LENG8: variants seen among roughly 807,000 people sequenced by gnomAD.
The protein encoded by LENG8 is leukocyte receptor cluster member 8, also known as leukocyte receptor cluster (LRC) member 8.
LENG8 carries 28 observed loss-of-function variants against 102.1 expected under a neutral mutation model. That is an observed-to-expected ratio of 0.27 (90% CI 0.20 to 0.38). LENG8 has a LOEUF of 0.38. Among genes scored for constraint, LENG8 ranks in the 10% least tolerant of loss-of-function variants. LENG8 has a pLI of 1.00. For missense variants in LENG8, 1,022 were observed against 1,113.9 expected, an observed-to-expected ratio of 0.92 and a Z score of 1.17; for synonymous variants, 531 against 456.7, an observed-to-expected ratio of 1.16 and a Z score of -2.07.
chr19:54,455,477 G>T lies in LENG8; in HGVS notation c.935G>T (p.Arg312Leu), dbSNP rs761349854. The T allele has an allele frequency of 6.2e-7, 1 of 1,614,156 alleles. No individual in the cohort carries two copies. The highest frequency in any genetic ancestry group is 8.5e-7 in the Non-Finnish European group (1 of 1,180,044). Residue 312 changes from arginine (R) to leucine (L), a missense_variant, in exon 8 of 16, where the codon CGC becomes CTC. This residue lies in a region of LENG8 where 24 missense variants were observed against 47.9 expected (regional missense o/e 0.50). Coordinates refer to ENST00000326764, the MANE Select transcript of LENG8 (RefSeq NM_052925.4). ...TACESEEDKDRTEKLLKEVLQ... is the reference protein window; with the variant it reads ...TACESEEDKDLTEKLLKEVLQ... ...TGTGAGTCGGAGGAGGACAAGGACC[G>T]CACGGAAAAGCTGCTCAAGGAGGTG... is the stretch of plus-strand genomic sequence containing the variant.
intron 6 of LENG8, 41 bp downstream of exon 6, chr19:54,454,723 C>G (rs2084134515): frequency 6.5e-7 from 1 of 1,545,110 alleles, no homozygotes; most frequent in Admixed American, 1.8e-5. Flanking sequence ...GCGGTTGGGC[C>G]CTCATAAGAG....
chr19:54,451,414 G>A (rs532101399), intron 2 of LENG8, 32 bp downstream of exon 2: 5 of 1,611,718 alleles, frequency 3.1e-6, no homozygotes, highest in Admixed American at 1.7e-5. Flanking sequence ...GAGGCCAGTC[G>A]GGAGGGAAAG....
Position 54,455,985 on chromosome 19 carries a change from G to C in LENG8, c.1044G>C (p.Val348=). ...EPLPGLTREP[V]AESPKKKRWE... is the part of the protein sequence containing the mutation. ...TTCTCAGGCTGACCCGGGAGCCTGT[G>C]GCTGAGAGCCCTAAGAAGAAGCGGT... The change falls in exon 9 of 16, where the codon GTG becomes GTC. Residue 348 remains valine, a synonymous_variant. Transcript: ENST00000326764. 2 of 1,612,772 alleles carry C rather than the reference G, an allele frequency of 1.2e-6. No individual in the cohort carries two copies. The highest frequency in any genetic ancestry group is 1.7e-6 in the Non-Finnish European group (2 of 1,179,726).
Position 54,455,995 on chromosome 19 carries a change from C to G in LENG8, c.1054C>G (p.Pro352Ala). 2 of 1,612,980 alleles carry G rather than the reference C, an allele frequency of 1.2e-6. No homozygotes were observed. Among genetic ancestry groups the G allele is most frequent in the Non-Finnish European group, 1.7e-6 (2 of 1,179,788 alleles). The change falls in exon 9 of 16, where the codon CCT becomes GCT. Residue 352 changes from proline to alanine, a missense_variant. Around this residue, in one of 7 missense-constraint regions of LENG8, gnomAD observed 326 missense variants for 324.5 expected, o/e 1.00. Coordinates refer to ENST00000326764, the MANE Select transcript of LENG8 (RefSeq NM_052925.4). Reference sequence around the variant, plus strand: ...GACCCGGGAGCCTGTGGCTGAGAGCCCTAAGAAGAAGCGGTGGGAGGCCGC... The same window carrying G: ...GACCCGGGAGCCTGTGGCTGAGAGCGCTAAGAAGAAGCGGTGGGAGGCCGC... ...GLTREPVAES[P>A]KKKRWEAASS...
rs780874240 is a variant in LENG8 at position 54,458,373 on chromosome 19, C to T, written c.2092C>T (p.His698Tyr). 1 of 1,614,204 alleles carries T rather than the reference C, an allele frequency of 6.2e-7. No individual in the cohort carries two copies. The highest frequency in any genetic ancestry group is 1.1e-5 in the South Asian group (1 of 91,086). ...ACTGAAGGCAGATCCTTGCGTGGCC[C>T]ACGCCTTGGCATTAAGGACAGCCTG... ...RELKADPCVA[H>Y]ALALRTAWAL... The change falls in exon 15 of 16, where the codon CAC becomes TAC. Residue 698 changes from histidine to tyrosine, a missense_variant. His to Tyr is a moderately conservative substitution (Grantham distance 83). Coordinates refer to ENST00000326764, the MANE Select transcript of LENG8 (RefSeq NM_052925.4).
Position 54,454,672 on chromosome 19 carries a change from C to T in LENG8, c.669C>T (p.Asn223=), listed in dbSNP as rs1401723289. 6.9e-6 allele frequency: 11 copies of T among 1,597,008 alleles called. No homozygotes were observed. Among genetic ancestry groups the T allele is most frequent in the Non-Finnish European group, 9.4e-6 (11 of 1,173,618 alleles). ...CCAAGAAGGGCCAACAGCTGTGGAACCGCATGAAACGTAAGTTGGCAGAGC... is the reference window on the plus strand; with the variant it reads ...CCAAGAAGGGCCAACAGCTGTGGAATCGCATGAAACGTAAGTTGGCAGAGC... The part of the protein sequence containing the change: ...AKPKKGQQLW[N]RMKPAPGTGG... The change falls in exon 6 of 16, where the codon AAC becomes AAT. Residue 223 remains asparagine, a synonymous_variant. Transcript: ENST00000326764.
In LENG8 at chr19:54,453,527, C is replaced by T. The variant is rs2084061177; in HGVS notation, c.316-19C>T. On this transcript the variant is annotated intron_variant, in intron 4 of 15. Coordinates refer to ENST00000326764, the MANE Select transcript of LENG8 (RefSeq NM_052925.4). ...AGGGTAGGCCTCCCACTAAACCCTC[C>T]CTCCCTGCGCCTTTGCAGAGCATGT... 1 of 1,580,694 alleles carries T rather than the reference C, an allele frequency of 6.3e-7. No homozygotes were observed. Among genetic ancestry groups the T allele is most frequent in the South Asian group, 1.1e-5 (1 of 90,370 alleles).
intron 15 of LENG8, chr19:54,460,376 G>T: frequency 8.3e-7 from 1 of 1,204,578 alleles, no homozygotes; most frequent in South Asian, 1.6e-5. Flanking sequence ...TGTAACGCAG[G>T]GCAGGGGAGG....
chr19:54,459,858 G>T, intron 15 of LENG8: 2 of 1,164,864 alleles, frequency 1.7e-6, no homozygotes, highest in Non-Finnish European at 2.2e-6. Flanking sequence ...GCAGGAGGCT[G>T]CTTAGTCTGC....
chr19:54,460,862 C>T lies in LENG8; in HGVS notation c.2337C>T (p.Ala779=), dbSNP rs760610275. Reference sequence around the variant, plus strand: ...CCTTCCTAGAGCCCCTGGGCCTGGCCTACACGGGCCCGGACAACTCCAGCA... The same window carrying T: ...CCTTCCTAGAGCCCCTGGGCCTGGCTTACACGGGCCCGGACAACTCCAGCA... ...CRAFLEPLGL[A]YTGPDNSSID... is the part of the protein sequence containing the mutation. The change falls in exon 16 of 16, where the codon GCC becomes GCT. Residue 779 remains alanine (A), a synonymous_variant. Coordinates refer to ENST00000326764, the MANE Select transcript of LENG8 (RefSeq NM_052925.4). 6.4e-7 allele frequency: 1 copy of T among 1,565,492 alleles called. No homozygotes were observed. Among genetic ancestry groups the T allele is most frequent in the Non-Finnish European group, 8.6e-7 (1 of 1,156,502 alleles).
At chr19:54,455,736 G>A (rs577431220) in intron 8 of LENG8, among the ~76,000 whole-genome samples, 169 bp downstream of exon 8, 1 of 152,112 alleles carries the variant, frequency 6.6e-6, no homozygotes, top group African/African-American at 2.4e-5. Flanking sequence ...GGCCGGTGGG[G>A]TGGGGTGGGG....
Position 54,461,301 on chromosome 19 carries a change from C to T in LENG8, c.*373C>T, listed in dbSNP as rs1372226509. On this transcript the variant is annotated 3_prime_UTR_variant, in exon 16 of 16. Coordinates refer to ENST00000326764, the MANE Select transcript of LENG8 (RefSeq NM_052925.4). ...CCCTGGCCCATCCCATGCCGGGGGGCCAGTGGAAAGAAGACAGGCCGTCCA... is the reference window on the plus strand; with the variant it reads ...CCCTGGCCCATCCCATGCCGGGGGGTCAGTGGAAAGAAGACAGGCCGTCCA... The T allele has an allele frequency of 2.1e-6, 1 of 465,874 alleles. No homozygotes were observed. Among genetic ancestry groups the T allele is most frequent in the South Asian group, 1.6e-5 (1 of 62,948 alleles). 28.9% of individuals were successfully genotyped at this position (465,874 alleles called of 1,614,324 possible). A position where few individuals can be genotyped will look rare whatever the true frequency, so the allele number is the denominator to read the frequency against.
Position 54,455,977 on chromosome 19 carries a change from G to A in LENG8, c.1036G>A (p.Glu346Lys), listed in dbSNP as rs757891728. The change falls in exon 9 of 16, where the codon GAG becomes AAG. Residue 346 changes from glutamate (E) to lysine (K), a missense_variant. This residue lies in a region of LENG8 where 326 missense variants were observed against 324.5 expected (regional missense o/e 1.00). Coordinates refer to ENST00000326764, the MANE Select transcript of LENG8 (RefSeq NM_052925.4). ...CTGCTGTATTCTCAGGCTGACCCGGGAGCCTGTGGCTGAGAGCCCTAAGAA... is the reference window on the plus strand; with the variant it reads ...CTGCTGTATTCTCAGGCTGACCCGGAAGCCTGTGGCTGAGAGCCCTAAGAA... ...SREPLPGLTR[E>K]PVAESPKKKR... 7 of 1,612,470 alleles carry A rather than the reference G, an allele frequency of 4.3e-6. No individual in the cohort carries two copies. In the South Asian group the frequency reaches 7.7e-5, roughly 18 times the overall value.
At chr19:54,460,603 C>G in intron 15 of LENG8, 163 bp from the exon 16 acceptor site, 2 of 1,424,270 alleles carry the variant, frequency 1.4e-6, no homozygotes, top group Non-Finnish European at 1.8e-6. Flanking sequence ...CGGGCCCCCC[C>G]CGAGCCCCTG....
At chr19:54,456,486 G>C (rs1471430171) in intron 10 of LENG8, 21 bp downstream of exon 10, 6 of 1,590,894 alleles carry the variant, frequency 3.8e-6, no homozygotes, top group African/African-American at 1.3e-5. Context: ...GTGAGGGCTC[G>C]ACACACGGGC....
Position 54,460,987 on chromosome 19 carries a change from TTC to T in LENG8, c.*61_*62del, listed in dbSNP as rs977907305. ...CAGCCCCCAGCGCTGCCTTTGCGGA[TTC>T]TGTTTTTGAGCCGTGGACTTGGGTT... On this transcript the variant is annotated 3_prime_UTR_variant, in exon 16 of 16. Transcript: ENST00000326764. 7 of 1,534,084 alleles carry T rather than the reference TTC, an allele frequency of 4.6e-6. No homozygotes were observed. The highest frequency in any genetic ancestry group is 4.1e-5 in the African/African-American group (3 of 72,850).
chr19:54,459,716 T>C, intron 15 of LENG8: 1 of 1,031,956 alleles, frequency 9.7e-7, no homozygotes, highest in African/African-American at 1.7e-5. Context: ...AGACTCATTC[T>C]GGAATCTAGT....
chr19:54,449,245 T>TC lies in LENG8; in HGVS notation c.-120dup, dbSNP rs964803905. ...GAGCCAGCCGGGTGGCACAGCGGTG[T>TC]CGTGGCCGTGTTGCTGATCGCCTGG... On this transcript the variant is annotated 5_prime_UTR_variant, in exon 1 of 16. Transcript: ENST00000326764. The TC allele has an allele frequency of 2.6e-5, 4 of 152,324 alleles. No homozygotes were observed. Among genetic ancestry groups the TC allele is most frequent in the African/African-American group, 9.6e-5 (4 of 41,456 alleles). 9.4% of individuals were successfully genotyped at this position (152,324 alleles called of 1,614,324 possible).
intron 15 of LENG8, chr19:54,460,077 C>T: frequency 1.6e-6 from 2 of 1,289,586 alleles, no homozygotes; most frequent in Non-Finnish European, 2.0e-6. Context: ...GCCCTGCCAG[C>T]TGAGACTGGG....
Sources: allele counts gnomAD v4.1 joint callset (sites outside exome capture counted in the v4.1 genomes callset), GRCh38; gene constraint gnomAD v4.1.1; regional missense constraint gnomAD v4.1.1; transcripts MANE v1.5; gene names NCBI Gene and HGNC (gene_info 2026-07-23, HGNC 2026-07-21).